PPA2: variants seen among roughly 807,000 people sequenced by gnomAD.
PPA2 encodes the protein inorganic pyrophosphatase 2, also known as inorganic pyrophosphatase 2, mitochondrial.
In PPA2, 48 loss-of-function variants were observed where a neutral mutation model predicts 49.5. The observed-to-expected ratio is 0.97, with a 90% CI of 0.77 to 1.23. PPA2 has a LOEUF of 1.23. Among genes scored for constraint, PPA2 ranks in the 50% most tolerant of loss-of-function variants. The pLI is 0.00. For synonymous variants in PPA2, 131 were observed against 139.9 expected (o/e 0.94, Z 0.45); for missense variants, 429 against 410.1 (o/e 1.05, Z -0.40).
At chr4:105,396,964 T>C (rs1465934679) in intron 8 of PPA2, among the ~76,000 whole-genome samples, 1 of 152,192 alleles carries the variant, frequency 6.6e-6, no homozygotes, top group Non-Finnish European at 1.5e-5. Flanking sequence ...CTGAAAGCAG[T>C]ACATCTCCTT....
intron 10 of PPA2, among the ~76,000 whole-genome samples, chr4:105,371,634 G>A (rs779227625): frequency 1.2e-4 from 19 of 152,018 alleles, no homozygotes; most frequent in African/African-American, 4.1e-4. Flanking sequence ...CTAATTCTCT[G>A]AATTTGCTGA....
intron 6 of PPA2, among the ~76,000 whole-genome samples, chr4:105,425,723 TACAC>T (rs59144523): frequency 0.031 from 3,773 of 122,438 alleles, 62 homozygotes; most frequent in South Asian, 0.068. Flanking sequence ...CACATGCACA[TACAC>T]ACACACACAC....
At chr4:105,431,033 C>T (rs1315544038) in intron 6 of PPA2, among the ~76,000 whole-genome samples, 1 of 152,136 alleles carries the variant, frequency 6.6e-6, no homozygotes, top group Non-Finnish European at 1.5e-5. Context: ...AGCTTCTTCT[C>T]CTGCCAAACT....
Position 105,399,158 on chromosome 4 carries a change from T to C in PPA2, c.662A>G (p.Asp221Gly). The change falls in exon 8 of 12, where the codon GAT (aspartate) becomes GGT (glycine). Residue 221 changes from aspartate to glycine, a missense_variant. Coordinates refer to ENST00000341695, the MANE Select transcript of PPA2 (RefSeq NM_176869.3). ...DPEASKFHDIDDVKKFKPGYL... is the reference protein window; with the variant it reads ...DPEASKFHDIGDVKKFKPGYL... ...ACCCGGTTTGAACTTCTTAACATCA[T>C]CAATATCTGTAAAGAAAAAAACAAA... 6.3e-7 allele frequency: 1 copy of C among 1,588,636 alleles called. No individual in the cohort carries two copies. Among genetic ancestry groups the C allele is most frequent in the Non-Finnish European group, 8.5e-7 (1 of 1,173,128 alleles).
chr4:105,456,434 C>T, intron 2 of PPA2: 1 of 463,808 alleles, frequency 2.2e-6, no homozygotes, highest in Non-Finnish European at 4.0e-6. Flanking sequence ...ACCCTTAAAT[C>T]TTTATTTCCT....
intron 2 of PPA2, among the ~76,000 whole-genome samples, chr4:105,455,614 G>C (rs935096400): frequency 6.6e-6 from 1 of 152,172 alleles, no homozygotes; most frequent in Non-Finnish European, 1.5e-5. Flanking sequence ...TGCTGGCTAA[G>C]TACCACAAGC....
At chr4:105,377,539 G>T (rs1002454730) in intron 10 of PPA2, among the ~76,000 whole-genome samples, 1 of 151,990 alleles carries the variant, frequency 6.6e-6, no homozygotes, top group Non-Finnish European at 1.5e-5. Context: ...TTTTTCAAAA[G>T]ATGTGTCATT....
intron 7 of PPA2, among the ~76,000 whole-genome samples, chr4:105,415,503 G>GA (rs1722967538): frequency 6.6e-6 from 1 of 152,234 alleles, no homozygotes; most frequent in Admixed American, 6.5e-5. Flanking sequence ...TCAGAGTGGG[G>GA]AGAGGCCAGG....
intron 9 of PPA2, among the ~76,000 whole-genome samples, chr4:105,388,791 C>T (rs1733782970): frequency 7.0e-6 from 1 of 142,242 alleles, no homozygotes; most frequent in Non-Finnish European, 1.5e-5. Flanking sequence ...CGCCACTGCA[C>T]TCCAGCTTGG....
At chr4:105,414,943 C>G (rs1362005985) in intron 7 of PPA2, among the ~76,000 whole-genome samples, 1 of 152,106 alleles carries the variant, frequency 6.6e-6, no homozygotes. Context: ...TCCCATTGAG[C>G]CTGAGGCCCA....
At position 105,446,378 on chromosome 4, in the gene PPA2, G is replaced by C. The variant is rs111967703; in HGVS notation, c.441+5C>G. On this transcript the variant is annotated splice_donor_5th_base_variant and intron_variant, in intron 5 of 11. Coordinates refer to ENST00000341695, the MANE Select transcript of PPA2 (RefSeq NM_176869.3). ...AACATTTTACCATTGTAACAAAAAT[G>C]TTACCTGAGGGAGGGTACCATAATT... 0.024 allele frequency: 36,990 copies of C among 1,541,230 alleles called. 572 individuals are homozygous for C. The highest frequency in any genetic ancestry group is 0.045 in the Middle Eastern group (266 of 5,856).
chr4:105,473,157 T>A (rs1406742325), intron 1 of PPA2, among the ~76,000 whole-genome samples: 1 of 152,018 alleles, frequency 6.6e-6, no homozygotes, highest in Non-Finnish European at 1.5e-5. Context: ...AGTGAAACAA[T>A]GGGGTACACG....
intron 2 of PPA2, among the ~76,000 whole-genome samples, chr4:105,454,674 G>A (rs1362698395): frequency 6.6e-6 from 1 of 152,072 alleles, no homozygotes; most frequent in East Asian, 1.9e-4. Context: ...AAAGTACAAA[G>A]CACGAGTTTT....
chr4:105,450,990 T>C (rs1210284334), intron 3 of PPA2, among the ~76,000 whole-genome samples: 3 of 152,190 alleles, frequency 2.0e-5, no homozygotes, highest in Non-Finnish European at 4.4e-5. Context: ...GCCAAAAAAC[T>C]AGTCTTTCAT....
At chr4:105,407,444 G>T (rs1257671913) in intron 7 of PPA2, among the ~76,000 whole-genome samples, 1 of 152,176 alleles carries the variant, frequency 6.6e-6, no homozygotes, top group Non-Finnish European at 1.5e-5. Flanking sequence ...TTCTTACAAT[G>T]TTAAACATAT....
Position 105,438,033 on chromosome 4 carries a change from A to G in PPA2, c.445T>C (p.Trp149Arg), listed in dbSNP as rs1724145844. ...TTATCTTTTTCATGGGGATCTTCCC[A>G]AGTCTAAAATTTTTTTTTTAAAAAA... ...IWNYGTLPQT[W>R]EDPHEKDKST... The change falls in exon 6 of 12, where the codon TGG becomes CGG. Residue 149 changes from tryptophan to arginine, a missense_variant. Physicochemically the swap from Trp to Arg is moderately radical, Grantham distance 101 (BLOSUM62 -3). Transcript: ENST00000341695. The G allele has an allele frequency of 6.2e-7, 1 of 1,600,238 alleles. No individual in the cohort carries two copies. Among genetic ancestry groups the G allele is most frequent in the Non-Finnish European group, 8.5e-7 (1 of 1,176,238 alleles).
intron 7 of PPA2, among the ~76,000 whole-genome samples, chr4:105,399,981 A>G (rs1312725543): frequency 6.6e-6 from 1 of 152,162 alleles, no homozygotes; most frequent in Non-Finnish European, 1.5e-5. Flanking sequence ...GTGTGGCCAC[A>G]TTCTATATAC....
chr4:105,380,331 A>G (rs1193617445), intron 10 of PPA2, among the ~76,000 whole-genome samples: 1 of 152,204 alleles, frequency 6.6e-6, no homozygotes, highest in Non-Finnish European at 1.5e-5. Context: ...CTGTAGAATT[A>G]GCAGTGATAT....
chr4:105,377,043 G>A (rs1224911911), intron 10 of PPA2, among the ~76,000 whole-genome samples: 2 of 152,294 alleles, frequency 1.3e-5, no homozygotes, highest in Admixed American at 6.5e-5. Flanking sequence ...GATGGGAAGA[G>A]TGGTTAAACC....
Sources: gnomAD v4.1 joint callset for allele counts (sites outside exome capture counted in the v4.1 genomes callset) on GRCh38, gnomAD v4.1.1 for gene constraint, MANE v1.5 for transcripts, NCBI Gene and HGNC (gene_info 2026-07-23, HGNC 2026-07-21) for gene names.